INPP5D: variants seen among roughly 807,000 people sequenced by gnomAD.
The protein encoded by INPP5D is phosphatidylinositol 3,4,5-trisphosphate 5-phosphatase 1.
A neutral mutation model predicts 122.9 loss-of-function variants in INPP5D; 33 were observed. The observed-to-expected ratio is 0.27, with a 90% CI of 0.20 to 0.36. The LOEUF (loss-of-function observed/expected upper bound fraction) is 0.36, where lower values mean the gene tolerates loss of function less well. Ranked by LOEUF, INPP5D falls within the 10% of genes least tolerant of loss-of-function variation. INPP5D has a pLI of 1.00. For synonymous variants in INPP5D, 584 were observed against 576.2 expected (o/e 1.01, Z -0.19); for missense variants, 1,053 against 1,412.7 (o/e 0.75, Z 4.08).
intron 2 of INPP5D, among the ~76,000 whole-genome samples, chr2:233,094,239 A>G (rs546499175): frequency 5.9e-5 from 9 of 152,236 alleles, no homozygotes; most frequent in Admixed American, 1.3e-4. Flanking sequence ...CAGGCTGGGT[A>G]TGGTGGCTCA....
chr2:233,198,576 C>T (rs1289509031), intron 25 of INPP5D, among the ~76,000 whole-genome samples, 200 bp downstream of exon 25: 6 of 152,316 alleles, frequency 3.9e-5, no homozygotes, highest in Middle Eastern at 3.4e-3. Context: ...TAGTGCAACT[C>T]GATTGCTTTT....
intron 22 of INPP5D, among the ~76,000 whole-genome samples, chr2:233,193,597 C>G (rs1017184153): frequency 6.6e-6 from 1 of 152,190 alleles, no homozygotes; most frequent in African/African-American, 2.4e-5. Context: ...GCTGCATTTT[C>G]TACAATATAA....
intron 2 of INPP5D, among the ~76,000 whole-genome samples, chr2:233,083,563 G>A (rs1691749048): frequency 6.6e-6 from 1 of 152,152 alleles, no homozygotes; most frequent in Non-Finnish European, 1.5e-5. Context: ...CAAGAGAGTG[G>A]GTTTCTTGTA....
intron 23 of INPP5D, among the ~76,000 whole-genome samples, chr2:233,194,420 C>T (rs1396797960): frequency 6.6e-6 from 1 of 151,634 alleles, no homozygotes; most frequent in Non-Finnish European, 1.5e-5. Flanking sequence ...CATATACAAA[C>T]AGGCCCTCGT....
chr2:233,194,051 T>G (rs1695120913), intron 23 of INPP5D, 90 bp downstream of exon 23: 6 of 1,448,326 alleles, frequency 4.1e-6, no homozygotes, highest in Non-Finnish European at 5.5e-6. Context: ...TCGAATATGC[T>G]CTCTGCTGCG....
intron 5 of INPP5D, among the ~76,000 whole-genome samples, chr2:233,136,673 C>T (rs894779489): frequency 1.7e-4 from 26 of 152,206 alleles, no homozygotes; most frequent in Non-Finnish European, 2.9e-4. Flanking sequence ...GGCACTGTTC[C>T]AGGAGCTGGA....
chr2:233,113,799 G>A (rs559828895), intron 2 of INPP5D, among the ~76,000 whole-genome samples: 1 of 152,262 alleles, frequency 6.6e-6, no homozygotes. Context: ...GGGGTTGCTT[G>A]GACGCCCAGC....
chr2:233,099,581 A>G (rs1692245678), intron 2 of INPP5D, among the ~76,000 whole-genome samples: 1 of 152,240 alleles, frequency 6.6e-6, no homozygotes, highest in Non-Finnish European at 1.5e-5. Context: ...AAACCTATAG[A>G]TATCAGATTA....
chr2:233,067,715 A>G (rs1691265719), intron 1 of INPP5D, among the ~76,000 whole-genome samples: 1 of 152,144 alleles, frequency 6.6e-6, no homozygotes, highest in East Asian at 1.9e-4. Flanking sequence ...CTTTTTTATT[A>G]TAGCCATCCT....
intron 5 of INPP5D, among the ~76,000 whole-genome samples, chr2:233,137,093 CCAAA>C (rs2106269672): frequency 6.6e-6 from 1 of 152,156 alleles, no homozygotes; most frequent in South Asian, 2.1e-4. Context: ...TGATTTAAAT[CCAAA>C]AAGCTAATCA....
chr2:233,070,149 T>G (rs1314043765), intron 1 of INPP5D, among the ~76,000 whole-genome samples: 2 of 152,248 alleles, frequency 1.3e-5, no homozygotes, highest in African/African-American at 4.8e-5. Context: ...CTCTTTGCCA[T>G]TTTTCTATCG....
chr2:233,097,591 C>T (rs970221218), intron 2 of INPP5D, among the ~76,000 whole-genome samples: 3 of 152,146 alleles, frequency 2.0e-5, no homozygotes, highest in Non-Finnish European at 4.4e-5. Flanking sequence ...ACAGAATCTT[C>T]CTTTTCCATC....
rs1441358291 is a variant in INPP5D at position 233,160,047 on chromosome 2, G to GC, written c.1137+1632dup. Among the ~76,000 whole-genome samples the GC allele has an allele frequency of 1.3e-5, 2 of 152,170 alleles. No homozygotes were observed. Among genetic ancestry groups the GC allele is most frequent in the Admixed American group, 1.3e-4 (2 of 15,270 alleles). ...GGGCATAGGTTCAAACACCAGCTCT[G>GC]CCCCATTGCTGCGACCTCAAAAGGA... On this transcript the variant is annotated intron_variant, in intron 10 of 26. Coordinates refer to ENST00000445964, the MANE Select transcript of INPP5D (RefSeq NM_001017915.3). This position sits in a 1 kb window ranked among gnomAD's most constrained non-coding sequence, Gnocchi z 4.2.
intron 20 of INPP5D, among the ~76,000 whole-genome samples, chr2:233,185,391 A>AT (rs748255810): frequency 6.6e-6 from 1 of 151,886 alleles, no homozygotes; most frequent in Non-Finnish European, 1.5e-5. Context: ...AATGATGAGG[A>AT]TTTTTGTGCG....
intron 2 of INPP5D, among the ~76,000 whole-genome samples, chr2:233,113,713 C>T (rs1003832208): frequency 2.0e-5 from 3 of 152,174 alleles, no homozygotes; most frequent in East Asian, 1.9e-4. Context: ...GTGCCCTGTT[C>T]GATGGGCTAA....
At chr2:233,071,335 A>C (rs1691380330) in intron 1 of INPP5D, among the ~76,000 whole-genome samples, 1 of 151,990 alleles carries the variant, frequency 6.6e-6, no homozygotes, top group Admixed American at 6.6e-5. Context: ...TTTCTCAGCT[A>C]ATCATCTTTC....
intron 4 of INPP5D, among the ~76,000 whole-genome samples, chr2:233,129,974 T>C (rs1238593314): frequency 6.6e-6 from 1 of 152,156 alleles, no homozygotes; most frequent in Admixed American, 6.5e-5. Context: ...CGATCTGTTT[T>C]CACTGCAACC....
intron 9 of INPP5D, among the ~76,000 whole-genome samples, chr2:233,153,994 C>T (rs1443277921): frequency 6.6e-6 from 1 of 152,170 alleles, no homozygotes; most frequent in Non-Finnish European, 1.5e-5. Context: ...GCAGTTTCCC[C>T]AGGATTCAGC....
chr2:233,126,537 T>C (rs746379878), intron 4 of INPP5D, among the ~76,000 whole-genome samples: 25 of 152,246 alleles, frequency 1.6e-4, no homozygotes, highest in Non-Finnish European at 2.9e-4. Flanking sequence ...CTTGATTTAT[T>C]TGTGCTATTT....
Sources: allele counts gnomAD v4.1 joint callset (sites outside exome capture counted in the v4.1 genomes callset), GRCh38; gene constraint gnomAD v4.1.1; non-coding constraint Gnocchi (gnomAD v3.1); transcripts MANE v1.5; gene names NCBI Gene and HGNC (gene_info 2026-07-23, HGNC 2026-07-21).